Variants in LTBP2 observed in about 807,000 individuals in gnomAD.
LTBP2 encodes latent transforming growth factor beta binding protein 2.
In LTBP2, 103 loss-of-function variants were observed where a neutral mutation model predicts 210.6. That is an observed-to-expected ratio of 0.49 (90% CI 0.42 to 0.58). The LOEUF is 0.58. Among genes scored for constraint, LTBP2 ranks in the 20% least tolerant of loss-of-function variants. LTBP2 has a pLI of 0.00. For synonymous variants in LTBP2, 1,007 were observed against 1,015.0 expected (o/e 0.99, Z 0.15); for missense variants, 2,313 against 2,494.5 (o/e 0.93, Z 1.55).
intron 19 of LTBP2, among the ~76,000 whole-genome samples, chr14:74,510,439 T>C (rs1195098387): frequency 6.6e-6 from 1 of 152,212 alleles, no homozygotes; most frequent in Non-Finnish European, 1.5e-5. Context: ...CAGAGCACTC[T>C]GCATGTATCC....
Position 74,585,997 on chromosome 14 carries a change from G to C in LTBP2, c.687C>G (p.Pro229=), listed in dbSNP as rs1248674211. ...GTCGAGGTGCCAGCCTGGAGTTCTG[G>C]GGGTCAAATTCCTCATCGGGAATGA... ...EEVIPDEEFD[P]QNSRLAPRRW... is the part of the protein sequence containing the mutation. Residue 229 remains proline (P), a synonymous_variant, in exon 3 of 36, where the codon CCC becomes CCG. Transcript: ENST00000261978. 1 of 1,611,522 alleles carries C rather than the reference G, an allele frequency of 6.2e-7. No homozygotes were observed. The highest frequency in any genetic ancestry group is 2.2e-5 in the East Asian group (1 of 44,790).
chr14:74,500,970 C>T lies in LTBP2; in HGVS notation c.5380G>A (p.Glu1794Lys), dbSNP rs763035721. The T allele has an allele frequency of 8.1e-6, 13 of 1,613,978 alleles. No individual in the cohort carries two copies. The highest frequency in any genetic ancestry group is 1.3e-5 in the African/African-American group (1 of 74,910). The change falls in exon 36 of 36, where the codon GAG becomes AAG. Residue 1794 changes from glutamate (E) to lysine (K), a missense_variant. By Grantham distance (56) the Glu-to-Lys change is moderately conservative. Transcript: ENST00000261978. Reference protein sequence around the residue: ...PAVLCVHGYCENTEGSYRCHC... With the variant: ...PAVLCVHGYCKNTEGSYRCHC... ...CAGCGGTAGGAGCCCTCTGTGTTCT[C>T]GCAGTAACCATGGACACAGAGCACA...
chr14:74,502,380 T>C (rs1033723006), intron 34 of LTBP2, among the ~76,000 whole-genome samples: 31 of 152,278 alleles, frequency 2.0e-4, no homozygotes, highest in African/African-American at 7.0e-4. Flanking sequence ...GCTTTCTCTC[T>C]CTCTCTCAGT....
At chr14:74,565,511 G>A (rs1228656679) in intron 3 of LTBP2, among the ~76,000 whole-genome samples, 2 of 152,238 alleles carry the variant, frequency 1.3e-5, no homozygotes, top group Non-Finnish European at 2.9e-5. Context: ...TGTAGAGACA[G>A]ATAATTCCCA....
chr14:74,604,326 C>A (rs948449749), intron 1 of LTBP2, among the ~76,000 whole-genome samples: 2 of 152,070 alleles, frequency 1.3e-5, no homozygotes, highest in African/African-American at 2.4e-5. Flanking sequence ...TCTCAGCCCC[C>A]GGCAGTCTGG....
Position 74,549,310 on chromosome 14 carries a change from C to CTGAA in LTBP2, c.1789+549_1789+552dup, listed in dbSNP as rs3080625. 3.6e-3 allele frequency among the ~76,000 whole-genome samples: 549 copies of CTGAA among 151,672 alleles called. 7 individuals are homozygous for CTGAA. The highest frequency in any genetic ancestry group is 0.013 in the African/African-American group (516 of 41,252). On this transcript the variant is annotated intron_variant, in intron 8 of 35. Coordinates refer to ENST00000261978, the MANE Select transcript of LTBP2 (RefSeq NM_000428.3). Reference sequence around the variant, plus strand: ...ATACAAGGCACCCAGTGAGTATTTGCTGAATGAATGAATGAATGAATGAAT... The same window carrying CTGAA: ...ATACAAGGCACCCAGTGAGTATTTGCTGAATGAATGAATGAATGAATGAATGAAT...
intron 3 of LTBP2, among the ~76,000 whole-genome samples, chr14:74,567,158 T>C (rs1842188745): frequency 6.6e-6 from 1 of 152,182 alleles, no homozygotes; most frequent in African/African-American, 2.4e-5. Context: ...CACCCAGCCC[T>C]TGCCTGCAGC....
At chr14:74,524,848 G>A (rs2087251279) in intron 15 of LTBP2, among the ~76,000 whole-genome samples, 1 of 152,206 alleles carries the variant, frequency 6.6e-6, no homozygotes, top group Non-Finnish European at 1.5e-5. Flanking sequence ...TCTCCTGGAA[G>A]ACCCCTGGCT....
intron 8 of LTBP2, among the ~76,000 whole-genome samples, chr14:74,536,475 C>T (rs1001613499): frequency 1.3e-5 from 2 of 152,138 alleles, no homozygotes; most frequent in African/African-American, 2.4e-5. Flanking sequence ...AGTGTTCTCA[C>T]CACAAAAAAT....
intron 9 of LTBP2, among the ~76,000 whole-genome samples, chr14:74,532,908 C>A (rs962560899): frequency 6.6e-6 from 1 of 152,196 alleles, no homozygotes; most frequent in African/African-American, 2.4e-5. Context: ...GGTGTGATCT[C>A]AGCTCACTGC....
At chr14:74,597,092 C>T (rs1181034535) in intron 2 of LTBP2, among the ~76,000 whole-genome samples, 1 of 152,182 alleles carries the variant, frequency 6.6e-6, no homozygotes, top group African/African-American at 2.4e-5. Context: ...TCCTGGGAAA[C>T]CCACAGTTTA....
intron 8 of LTBP2, among the ~76,000 whole-genome samples, chr14:74,544,937 G>C (rs950341204): frequency 6.6e-6 from 1 of 152,092 alleles, no homozygotes; most frequent in Admixed American, 6.6e-5. Flanking sequence ...AGAACCACGT[G>C]GGGGAAAGCC....
intron 2 of LTBP2, among the ~76,000 whole-genome samples, chr14:74,588,158 G>A (rs892322512): frequency 6.6e-6 from 1 of 152,182 alleles, no homozygotes; most frequent in Non-Finnish European, 1.5e-5. Context: ...AACACTTGTC[G>A]TGTTTGCCAT....
chr14:74,598,982 T>TA lies in LTBP2; in HGVS notation c.565+4652dup, dbSNP rs199802216. On this transcript the variant is annotated intron_variant, in intron 2 of 35. Coordinates refer to ENST00000261978, the MANE Select transcript of LTBP2 (RefSeq NM_000428.3). ...AGCCGACCTCATTTGTAAATGGGGA[T>TA]AAAAAATCCAATCTAGCTTATAGGG... Among the ~76,000 whole-genome samples the TA allele has an allele frequency of 7.6e-4, 116 of 152,272 alleles. No individual in the cohort carries two copies. The East Asian group carries it at 0.019, about 25-fold the overall frequency.
At chr14:74,555,094 A>ATTCTGTTTCC (rs2139751626) in intron 4 of LTBP2, among the ~76,000 whole-genome samples, 1 of 139,324 alleles carries the variant, frequency 7.2e-6, no homozygotes, top group South Asian at 2.3e-4. Flanking sequence ...ATCCACAGAG[A>ATTCTGTTTCC]TTCTGTGGGA....
intron 3 of LTBP2, among the ~76,000 whole-genome samples, chr14:74,585,009 C>G (rs548877898): frequency 6.6e-6 from 1 of 152,292 alleles, no homozygotes; most frequent in East Asian, 1.9e-4. Context: ...TCAGAAAGAA[C>G]TTCTTAAGCA....
At chr14:74,501,132 C>T in intron 35 of LTBP2, 103 bp from the exon 36 acceptor site, 9 of 1,390,114 alleles carry the variant, frequency 6.5e-6, no homozygotes, top group Non-Finnish European at 9.0e-6. Context: ...TAGAGTGAAA[C>T]CCTAAGTGTG....
chr14:74,562,219 A>AAAAAG (rs913254724), intron 3 of LTBP2, among the ~76,000 whole-genome samples: 10 of 152,050 alleles, frequency 6.6e-5, no homozygotes, highest in Admixed American at 2.6e-4. Flanking sequence ...TCAGAAAAAA[A>AAAAAG]AAAAGAAAAG....
At chr14:74,573,583 C>G (rs2088014086) in intron 3 of LTBP2, among the ~76,000 whole-genome samples, 1 of 152,206 alleles carries the variant, frequency 6.6e-6, no homozygotes, top group South Asian at 2.1e-4. Context: ...CCTGAGCTAC[C>G]CTGGGTTCTT....
Sources: allele counts gnomAD v4.1 joint callset (sites outside exome capture counted in the v4.1 genomes callset), GRCh38; gene constraint gnomAD v4.1.1; transcripts MANE v1.5; gene names NCBI Gene and HGNC (gene_info 2026-07-23, HGNC 2026-07-21).